Variants in PRKN observed in about 807,000 individuals in gnomAD.
PRKN encodes the protein parkin RBR E3 ubiquitin protein ligase, also known as E3 ubiquitin-protein ligase parkin.
PRKN carries 56 observed loss-of-function variants against 59.5 expected under a neutral mutation model. That is an observed-to-expected ratio of 0.94 (90% CI 0.76 to 1.18). The LOEUF is 1.18. PRKN is among the 50% of genes most tolerant of loss of function. The pLI is 0.00. For missense variants in PRKN, 657 were observed against 596.4 expected, an observed-to-expected ratio of 1.10 and a Z score of -1.06; for synonymous variants, 250 against 222.1, an observed-to-expected ratio of 1.13 and a Z score of -1.12.
rs1204617085 is a variant in PRKN, at chr6:161,536,451, G to A, written c.1083+12403C>T. ...AAAAAAAAATCTGTTCTGTTAGCAA[G>A]AGAAAGGGGGAGATGGCCGTCAGGA... On this transcript the variant is annotated intron_variant, in intron 9 of 11. Transcript: ENST00000366898. Among the ~76,000 whole-genome samples, 3 of 152,036 alleles carry A rather than the reference G, an allele frequency of 2.0e-5. No homozygotes were observed. The East Asian group carries it at 5.8e-4, about 29-fold the overall frequency.
At chr6:161,889,520 C>A (rs1795268597) in intron 6 of PRKN, among the ~76,000 whole-genome samples, 1 of 152,174 alleles carries the variant, frequency 6.6e-6, no homozygotes, top group South Asian at 2.1e-4. Context: ...TTCCATTCAT[C>A]CAGCATTCTC....
chr6:162,143,086 C>T (rs1466822146), intron 4 of PRKN, among the ~76,000 whole-genome samples: 2 of 152,126 alleles, frequency 1.3e-5, no homozygotes, highest in African/African-American at 4.8e-5. Context: ...AATTACTGAA[C>T]ACCTTGGCAG....
chr6:162,724,105 T>C (rs1439737227), intron 1 of PRKN, among the ~76,000 whole-genome samples: 2 of 152,184 alleles, frequency 1.3e-5, no homozygotes, highest in Non-Finnish European at 2.9e-5. Context: ...ATACCACAAA[T>C]ATCCCCACTA....
At chr6:162,483,943 C>A (rs1225146430) in intron 1 of PRKN, among the ~76,000 whole-genome samples, 1 of 152,164 alleles carries the variant, frequency 6.6e-6, no homozygotes, top group Non-Finnish European at 1.5e-5. Context: ...GAATACCATA[C>A]ATTCTTGAAA....
chr6:162,195,801 AACTCTGGTT>A (rs754797661), intron 4 of PRKN, among the ~76,000 whole-genome samples: 12 of 152,312 alleles, frequency 7.9e-5, no homozygotes, highest in Non-Finnish European at 1.2e-4. Flanking sequence ...AATGGTGGAT[AACTCTGGTT>A]ACCTAGAGTT....
intron 1 of PRKN, among the ~76,000 whole-genome samples, chr6:162,535,229 A>G (rs961465559): frequency 2.0e-5 from 3 of 152,108 alleles, no homozygotes; most frequent in African/African-American, 7.2e-5. Context: ...GGATGGCTGG[A>G]CTACCAATCC....
At chr6:162,422,716 G>C (rs540013605) in intron 2 of PRKN, among the ~76,000 whole-genome samples, 1 of 152,002 alleles carries the variant, frequency 6.6e-6, no homozygotes, top group African/African-American at 2.4e-5. Flanking sequence ...AGGCTGAGGC[G>C]GGCGGATTGC....
At chr6:162,114,269 G>A (rs1780571059) in intron 4 of PRKN, among the ~76,000 whole-genome samples, 3 of 151,968 alleles carry the variant, frequency 2.0e-5, no homozygotes, top group African/African-American at 7.3e-5. Flanking sequence ...TTGGTAGCTT[G>A]ATGGGGATGG....
chr6:162,386,728 G>A (rs1380710145), intron 2 of PRKN, among the ~76,000 whole-genome samples: 2 of 152,228 alleles, frequency 1.3e-5, no homozygotes, highest in Non-Finnish European at 2.9e-5. Context: ...AGGTATAAGG[G>A]ACAGAGACAG....
At chr6:161,604,778 T>A (rs1158861875) in intron 7 of PRKN, among the ~76,000 whole-genome samples, 1 of 152,028 alleles carries the variant, frequency 6.6e-6, no homozygotes, top group Middle Eastern at 3.4e-3. Context: ...CTACCAAAAA[T>A]ACAAAAAAGA....
chr6:161,513,660 T>TA (rs1198768781), intron 9 of PRKN, among the ~76,000 whole-genome samples: 1 of 151,998 alleles, frequency 6.6e-6, no homozygotes, highest in Non-Finnish European at 1.5e-5. Context: ...GGACTCCTTC[T>TA]AGGAGGTGAT....
intron 6 of PRKN, among the ~76,000 whole-genome samples, chr6:161,914,698 G>A (rs1394693725): frequency 2.0e-5 from 3 of 152,032 alleles, no homozygotes; most frequent in Non-Finnish European, 1.5e-5. Context: ...TTGGTACCAT[G>A]CAAACACTGT....
At chr6:161,654,703 T>C (rs1289715495) in intron 7 of PRKN, among the ~76,000 whole-genome samples, 1 of 152,154 alleles carries the variant, frequency 6.6e-6, no homozygotes, top group Non-Finnish European at 1.5e-5. Flanking sequence ...CTACGTAGGA[T>C]GTAGAGAAGA....
chr6:161,420,658 C>A (rs911025947), intron 9 of PRKN, among the ~76,000 whole-genome samples: 1 of 152,018 alleles, frequency 6.6e-6, no homozygotes, highest in Admixed American at 6.6e-5. Context: ...CACAGGCACG[C>A]GCCACCATGC....
chr6:162,448,575 G>C (rs1295474166), intron 1 of PRKN, among the ~76,000 whole-genome samples: 1 of 152,044 alleles, frequency 6.6e-6, no homozygotes, highest in African/African-American at 2.4e-5. Flanking sequence ...GCACCCGCCA[G>C]AGAAACCCTT....
At chr6:161,873,226 A>C (rs1794416680) in intron 6 of PRKN, among the ~76,000 whole-genome samples, 1 of 151,988 alleles carries the variant, frequency 6.6e-6, no homozygotes, top group East Asian at 1.9e-4. Context: ...CCATCTCTGG[A>C]GCCTTTCCCG....
At chr6:161,937,177 C>A (rs1227818069) in intron 6 of PRKN, among the ~76,000 whole-genome samples, 1 of 152,202 alleles carries the variant, frequency 6.6e-6, no homozygotes, top group Non-Finnish European at 1.5e-5. Context: ...ATGCCAGCAG[C>A]CTCAGTTCCT....
intron 5 of PRKN, among the ~76,000 whole-genome samples, chr6:162,015,122 G>T (rs1005729254): frequency 6.6e-6 from 1 of 152,098 alleles, no homozygotes; most frequent in African/African-American, 2.4e-5. Flanking sequence ...GAAGCCAACC[G>T]TTCAAATTTA....
intron 4 of PRKN, among the ~76,000 whole-genome samples, chr6:162,141,742 T>G (rs1160169320): frequency 6.6e-6 from 1 of 152,100 alleles, no homozygotes; most frequent in African/African-American, 2.4e-5. Context: ...TGTTGGGAAG[T>G]AGGGGGAGCA....
Sources: gnomAD v4.1 joint callset for allele counts (sites outside exome capture counted in the v4.1 genomes callset) on GRCh38, gnomAD v4.1.1 for gene constraint, MANE v1.5 for transcripts, NCBI Gene and HGNC (gene_info 2026-07-23, HGNC 2026-07-21) for gene names.